The following MYCBPAP variants were observed in gnomAD, a reference collection of about 807,000 sequenced individuals.
MYCBPAP encodes the protein MYCBP associated protein, also known as MYCBP-associated protein.
MYCBPAP carries 60 observed loss-of-function variants against 106.1 expected under a neutral mutation model. The observed-to-expected ratio is 0.57, with a 90% CI of 0.46 to 0.70. The LOEUF (loss-of-function observed/expected upper bound fraction) is 0.70. Ranked by LOEUF, MYCBPAP falls within the 30% of genes least tolerant of loss-of-function variation. MYCBPAP has a pLI of 0.00. For synonymous variants in MYCBPAP, 407 were observed against 440.6 expected, an observed-to-expected ratio of 0.92 and a Z score of 0.95; for missense variants, 1,064 against 1,169.3, an observed-to-expected ratio of 0.91 and a Z score of 1.31.
chr17:50,508,164 G>A (rs189400497), upstream of MYCBPAP: 245 of 201,738 alleles, frequency 1.2e-3, 3 homozygotes, highest in East Asian at 0.032. Flanking sequence ...ACCGCTGTGA[G>A]GGGGGCAGAG....
chr17:50,511,992 C>T (rs1204049838), intron 1 of MYCBPAP, among the ~76,000 whole-genome samples: 4 of 151,956 alleles, frequency 2.6e-5, no homozygotes, highest in Non-Finnish European at 5.9e-5. Context: ...ACAAAGCTGT[C>T]ATGCCCTGGT....
intron 4 of MYCBPAP, 152 bp downstream of exon 4, chr17:50,517,850 T>C: frequency 1.5e-6 from 1 of 657,356 alleles, no homozygotes; most frequent in Non-Finnish European, 2.7e-6. Context: ...CCAGAATAGT[T>C]GGACACTTCA....
chr17:50,511,904 T>A lies in MYCBPAP; in HGVS notation c.76+3154T>A, dbSNP rs562900762. Reference sequence around the variant, plus strand: ...TCTCCGGTCCATCTGGCTCTCTTCATCTGATGAATCATTCTGAAATGCACC... The same window carrying A: ...TCTCCGGTCCATCTGGCTCTCTTCAACTGATGAATCATTCTGAAATGCACC... On this transcript the variant is annotated intron_variant, in intron 1 of 18. Coordinates refer to ENST00000323776, the MANE Select transcript of MYCBPAP (RefSeq NM_032133.6). Among the ~76,000 whole-genome samples, 9 of 152,224 alleles carry A rather than the reference T, an allele frequency of 5.9e-5. No homozygotes were observed. In the East Asian group the frequency reaches 1.7e-3, roughly 29 times the overall value.
rs1024129436 is a variant in MYCBPAP at position 50,518,799 on chromosome 17, C to T, written c.652+75C>T. 5.2e-6 allele frequency: 8 copies of T among 1,539,196 alleles called. No individual in the cohort carries two copies. In the East Asian group the frequency reaches 1.4e-4, roughly 26 times the overall value. On this transcript the variant is annotated intron_variant, in intron 5 of 18. Coordinates refer to ENST00000323776, the MANE Select transcript of MYCBPAP (RefSeq NM_032133.6). ...CTCTGCTGGGTTGTTTGCTCTCCTCCAGAGCCTGGCCTTGGGCTGACCACA... is the reference window on the plus strand; with the variant it reads ...CTCTGCTGGGTTGTTTGCTCTCCTCTAGAGCCTGGCCTTGGGCTGACCACA...
In MYCBPAP at chr17:50,514,712, G is replaced by A. The variant is rs149325024; in HGVS notation, c.77-1858G>A. Reference sequence around the variant, plus strand: ...CTTGTTCTGTCACCCAGGCTGGAGTGCAGTGGCACAATCTTGGCTCACTGC... The same window carrying A: ...CTTGTTCTGTCACCCAGGCTGGAGTACAGTGGCACAATCTTGGCTCACTGC... On this transcript the variant is annotated intron_variant, in intron 1 of 18. Transcript: ENST00000323776. The A allele has an allele frequency of 4.4e-3, 954 of 215,574 alleles. 11 individuals carry two copies. The highest frequency in any genetic ancestry group is 0.021 in the African/African-American group (914 of 42,604). 13.4% of individuals were successfully genotyped at this position (215,574 alleles called of 1,614,324 possible).
At position 50,517,587 on chromosome 17, in the gene MYCBPAP, C is replaced by T; in HGVS notation, c.365-8C>T. On this transcript the variant is annotated splice_region_variant and splice_polypyrimidine_tract_variant and intron_variant, in intron 3 of 18. Transcript: ENST00000323776. ...GCTTCTTTCCCCTTTCTTCTTTTAT[C>T]CTCCCAGGTCCCGGTGACAGCTTCG... is the stretch of plus-strand genomic sequence containing the variant. 1 of 1,614,078 alleles carries T rather than the reference C, an allele frequency of 6.2e-7. No homozygotes were observed. The highest frequency in any genetic ancestry group is 8.5e-7 in the Non-Finnish European group (1 of 1,179,932).
intron 18 of MYCBPAP, 174 bp downstream of exon 18, chr17:50,529,362 G>C: frequency 4.8e-6 from 3 of 629,588 alleles, no homozygotes; most frequent in Non-Finnish European, 5.4e-6. Context: ...TAGCATGTTA[G>C]GTGATGAGTA....
intron 6 of MYCBPAP, 31 bp downstream of exon 6, chr17:50,519,120 C>CT (rs2034162308): frequency 1.4e-6 from 2 of 1,434,326 alleles, no homozygotes; most frequent in African/African-American, 3.4e-5. Flanking sequence ...TGCCCGGGGG[C>CT]AGGGGGGTCC....
At chr17:50,517,263 G>A (rs2143928017) in intron 2 of MYCBPAP, 30 bp from the exon 3 acceptor site, 2 of 1,609,022 alleles carry the variant, frequency 1.2e-6, no homozygotes, top group African/African-American at 1.3e-5. Context: ...CACCACAGGT[G>A]GAATTCTCCT....
intron 13 of MYCBPAP, among the ~76,000 whole-genome samples, chr17:50,525,531 GGCCAGAGTACAGTGTCCCACTCATA>G (rs1482398763): frequency 6.6e-6 from 1 of 151,964 alleles, no homozygotes; most frequent in African/African-American, 2.4e-5. Context: ...TCACACTCCA[GGCCAGAGTACAGTGTCCCACTCATA>G]GCTCATTGTG....
intron 1 of MYCBPAP, 146 bp from the exon 2 acceptor site, chr17:50,516,424 G>A: frequency 1.0e-6 from 1 of 990,960 alleles, no homozygotes; most frequent in South Asian, 1.9e-5. Context: ...AGGCCACCTT[G>A]GCAGCCTCTG....
At chr17:50,521,500 G>A (rs750621681) in intron 9 of MYCBPAP, 69 bp downstream of exon 9, 89 of 1,225,300 alleles carry the variant, frequency 7.3e-5, no homozygotes, top group Non-Finnish European at 1.0e-4. Context: ...ATTAAAGAGC[G>A]GGCTTCCCTC....
intron 2 of MYCBPAP, 83 bp from the exon 3 acceptor site, chr17:50,517,210 C>T: frequency 7.4e-7 from 1 of 1,354,726 alleles, no homozygotes; most frequent in Non-Finnish European, 1.1e-6. Context: ...GGAACTCCAC[C>T]CAGAACTAGA....
chr17:50,522,925 CCT>C lies in MYCBPAP; in HGVS notation c.1258-12_1258-11del, dbSNP rs1479055719. 1 of 1,603,130 alleles carries C rather than the reference CCT, an allele frequency of 6.2e-7. No individual in the cohort carries two copies. Among genetic ancestry groups the C allele is most frequent in the African/African-American group, 1.3e-5 (1 of 74,490 alleles). ...GTTTGCAGCAAAGACATTTCTTGTCCCTCCTCCTTCCAGAGGCAGGTTGGGAT... is the reference window on the plus strand; with the variant it reads ...GTTTGCAGCAAAGACATTTCTTGTCCCCTCCTTCCAGAGGCAGGTTGGGAT... On this transcript the variant is annotated splice_polypyrimidine_tract_variant and intron_variant, in intron 10 of 18. Coordinates refer to ENST00000323776, the MANE Select transcript of MYCBPAP (RefSeq NM_032133.6).
In MYCBPAP at chr17:50,526,047, G is replaced by C; in HGVS notation, c.1949G>C (p.Ser650Thr). 1 of 1,613,956 alleles carries C rather than the reference G, an allele frequency of 6.2e-7. No homozygotes were observed. The highest frequency in any genetic ancestry group is 8.5e-7 in the Non-Finnish European group (1 of 1,180,026). ...GCTGAGCTGTTACCACGCTTTAGGA[G>C]CCCCATCTCCGAAACTCAAGTGCCC... ...VNAELLPRFR[S>T]PISETQVPRP... The change falls in exon 14 of 19, where the codon AGC becomes ACC. Residue 650 changes from serine (S) to threonine (T), a missense_variant. Physicochemically the swap from Ser to Thr is moderately conservative, Grantham distance 58 (BLOSUM62 1). Coordinates refer to ENST00000323776, the MANE Select transcript of MYCBPAP (RefSeq NM_032133.6).
intron 6 of MYCBPAP, chr17:50,519,400 T>C: frequency 1.7e-6 from 1 of 592,944 alleles, no homozygotes; most frequent in Non-Finnish European, 3.0e-6. Context: ...CCACCTTTTT[T>C]TCTGGTAGAC....
chr17:50,518,994 A>T lies in MYCBPAP; in HGVS notation c.673A>T (p.Ser225Cys). The part of the protein sequence containing the change: ...ALSEHLKKPV[S>C]ELLMHTGETY... ...TCTAGAACACCTAAAGAAGCCAGTG[A>T]GTGAGCTGCTCATGCACACCGGGGA... Residue 225 changes from serine (S) to cysteine (C), a missense_variant, in exon 6 of 19, where the codon AGT becomes TGT. Transcript: ENST00000323776. 1 of 1,614,068 alleles carries T rather than the reference A, an allele frequency of 6.2e-7. No homozygotes were observed. Among genetic ancestry groups the T allele is most frequent in the Non-Finnish European group, 8.5e-7 (1 of 1,179,984 alleles).
At chr17:50,510,499 G>GTTTATA in intron 1 of MYCBPAP, 1 of 76,428 alleles carries the variant, frequency 1.3e-5, no homozygotes, top group South Asian at 5.8e-4. Flanking sequence ...GTGTGTGTGT[G>GTTTATA]TATATATATA....
At chr17:50,523,260 T>C in intron 11 of MYCBPAP, 132 bp downstream of exon 11, 5 of 907,518 alleles carry the variant, frequency 5.5e-6, no homozygotes, top group Non-Finnish European at 6.7e-6. Context: ...GTCCCTCTCA[T>C]TCCTTCTGTG....
Sources: gnomAD v4.1 joint callset for allele counts (sites outside exome capture counted in the v4.1 genomes callset) on GRCh38, gnomAD v4.1.1 for gene constraint, MANE v1.5 for transcripts, NCBI Gene and HGNC (gene_info 2026-07-23, HGNC 2026-07-21) for gene names.